The following PKHD1 variants were observed in gnomAD, a reference collection of about 807,000 sequenced individuals.
PKHD1 encodes the protein PKHD1 ciliary IPT domain containing fibrocystin/polyductin.
In PKHD1, 291 loss-of-function variants were observed where a neutral mutation model predicts 412.0. That is an observed-to-expected ratio of 0.71 (90% CI 0.64 to 0.78). PKHD1 has a LOEUF of 0.78. Among genes scored for constraint, PKHD1 ranks in the 30% least tolerant of loss-of-function variants. The probability of loss-of-function intolerance (pLI) is 0.00; values close to 1 mark genes in which losing one functional copy is unlikely to be tolerated. For missense variants in PKHD1, 4,825 were observed against 4,950.7 expected, an observed-to-expected ratio of 0.97 and a Z score of 0.76; for synonymous variants, 1,777 against 1,821.5, an observed-to-expected ratio of 0.98 and a Z score of 0.62.
At chr6:51,805,322 A>G (rs1351148600) in intron 52 of PKHD1, among the ~76,000 whole-genome samples, 1 of 150,844 alleles carries the variant, frequency 6.6e-6, no homozygotes, top group Non-Finnish European at 1.5e-5. Context: ...AGTGGAGGTA[A>G]GCGTTGGGTA....
At chr6:52,051,444 C>T (rs1156665143) in intron 21 of PKHD1, among the ~76,000 whole-genome samples, 1 of 152,060 alleles carries the variant, frequency 6.6e-6, no homozygotes, top group Non-Finnish European at 1.5e-5. Context: ...GTTTATGTTG[C>T]CATTAAATAA....
chr6:51,750,200 A>C (rs1247204221), intron 57 of PKHD1, among the ~76,000 whole-genome samples: 1 of 152,166 alleles, frequency 6.6e-6, no homozygotes, highest in African/African-American at 2.4e-5. Context: ...CGAAGTATCT[A>C]AATTTCTCAA....
intron 51 of PKHD1, among the ~76,000 whole-genome samples, chr6:51,835,033 C>T (rs1321489774): frequency 2.6e-5 from 4 of 152,142 alleles, no homozygotes; most frequent in Admixed American, 6.5e-5. Flanking sequence ...AAGGTCTCCA[C>T]CTTTGTTAAA....
At chr6:51,738,010 T>C (rs1447421408) in intron 60 of PKHD1, among the ~76,000 whole-genome samples, 1 of 152,206 alleles carries the variant, frequency 6.6e-6, no homozygotes, top group Non-Finnish European at 1.5e-5. Flanking sequence ...AGCCCCACGT[T>C]TACTTATTAG....
intron 37 of PKHD1, among the ~76,000 whole-genome samples, chr6:51,922,859 G>A (rs1162781114): frequency 3.3e-5 from 5 of 152,164 alleles, no homozygotes; most frequent in Admixed American, 1.3e-4. Context: ...GGCTTCCCTT[G>A]GCTAGGAAAG....
intron 5 of PKHD1, among the ~76,000 whole-genome samples, chr6:52,079,344 A>G (rs190144029): frequency 3.3e-5 from 5 of 152,296 alleles, no homozygotes; most frequent in African/African-American, 1.2e-4. Context: ...CTTTTGGTTC[A>G]GTGTTGGAAA....
intron 5 of PKHD1, 145 bp downstream of exon 5, chr6:52,079,755 A>G (rs1294034829): frequency 4.0e-6 from 3 of 741,316 alleles, no homozygotes; most frequent in Non-Finnish European, 7.5e-6. Flanking sequence ...CATTAGTATA[A>G]TATAAGAAAC....
intron 60 of PKHD1, among the ~76,000 whole-genome samples, chr6:51,692,847 A>C (rs1444281253): frequency 6.6e-6 from 1 of 151,954 alleles, no homozygotes; most frequent in Non-Finnish European, 1.5e-5. Context: ...TGCCCCAATC[A>C]CTCTGTCAAC....
At chr6:51,874,755 C>T (rs114725311) in intron 46 of PKHD1, among the ~76,000 whole-genome samples, 22 of 146,796 alleles carry the variant, frequency 1.5e-4, no homozygotes, top group Non-Finnish European at 2.2e-4. Flanking sequence ...GTTGAAACTC[C>T]GTCTGTACTA....
At chr6:51,853,177 G>T (rs1051125585) in intron 49 of PKHD1, among the ~76,000 whole-genome samples, 1 of 152,124 alleles carries the variant, frequency 6.6e-6, no homozygotes, top group African/African-American at 2.4e-5. Context: ...ACTTAGTTTG[G>T]CTGGATATGA....
intron 52 of PKHD1, among the ~76,000 whole-genome samples, chr6:51,823,567 C>A (rs747454022): frequency 1.9e-4 from 29 of 151,790 alleles, no homozygotes; most frequent in Non-Finnish European, 2.6e-4. Flanking sequence ...TAAGTGAGTT[C>A]TAATTAGCCA....
intron 49 of PKHD1, among the ~76,000 whole-genome samples, chr6:51,854,355 G>A (rs1318834563): frequency 1.3e-5 from 2 of 152,050 alleles, no homozygotes; most frequent in African/African-American, 2.4e-5. Flanking sequence ...CAGTAGGATC[G>A]CTCCTGTATA....
intron 60 of PKHD1, among the ~76,000 whole-genome samples, chr6:51,683,012 G>T (rs1489519294): frequency 2.0e-5 from 3 of 152,000 alleles, no homozygotes; most frequent in African/African-American, 7.2e-5. Flanking sequence ...CAAACAATCA[G>T]CTAACTAGCA....
At chr6:52,032,495 A>G (rs973776611) in intron 29 of PKHD1, among the ~76,000 whole-genome samples, 4 of 152,222 alleles carry the variant, frequency 2.6e-5, no homozygotes, top group African/African-American at 9.6e-5. Context: ...TAATCAGAGC[A>G]TCCTATTCTC....
intron 60 of PKHD1, among the ~76,000 whole-genome samples, chr6:51,673,743 T>C (rs1775390196): frequency 6.6e-6 from 1 of 152,134 alleles, no homozygotes; most frequent in Non-Finnish European, 1.5e-5. Context: ...ATTTAGGACA[T>C]GGGAGCAGCA....
At chr6:51,847,709 A>G (rs1360878998) in intron 50 of PKHD1, 66 bp downstream of exon 50, 13 of 1,136,264 alleles carry the variant, frequency 1.1e-5, no homozygotes, top group Admixed American at 5.1e-5. Context: ...AAATGTCTGG[A>G]ATTGAAGGGT....
At chr6:51,926,281 G>A (rs901599073) in intron 37 of PKHD1, among the ~76,000 whole-genome samples, 3 of 152,180 alleles carry the variant, frequency 2.0e-5, no homozygotes, top group Non-Finnish European at 4.4e-5. Flanking sequence ...GGGGAAAGCA[G>A]AACCAAGAGT....
At chr6:51,839,803 A>G (rs1319831455) in intron 50 of PKHD1, among the ~76,000 whole-genome samples, 2 of 151,920 alleles carry the variant, frequency 1.3e-5, no homozygotes, top group Non-Finnish European at 2.9e-5. Flanking sequence ...TTGTCGTTTT[A>G]GTTTATGCAC....
In PKHD1 at chr6:52,033,091, TG is replaced by T. The variant is rs774250209; in HGVS notation, c.3302del (p.Thr1101AsnfsTer6). 6.2e-7 allele frequency: 1 copy of T among 1,611,108 alleles called. No homozygotes were observed. The highest frequency in any genetic ancestry group is 8.5e-7 in the Non-Finnish European group (1 of 1,177,292). ...TAACTGGATTTAAGGAAGAGACATA[TG>T]TAAATGCTCTGGGAAGAACTGCAGA... ...DYSAVLPRAF[T>X]YVSSLNPVIV... On this transcript the variant is annotated frameshift_variant, in exon 29 of 67. Transcript: ENST00000371117. LOFTEE classifies it high-confidence loss of function.
Sources: gnomAD v4.1 joint callset for allele counts (sites outside exome capture counted in the v4.1 genomes callset) on GRCh38, gnomAD v4.1.1 for gene constraint, MANE v1.5 for transcripts, NCBI Gene and HGNC (gene_info 2026-07-23, HGNC 2026-07-21) for gene names.